Variants in STOML1 observed in about 807,000 individuals in gnomAD.
STOML1 encodes the protein stomatin like 1, also known as stomatin-like protein 1.
A neutral mutation model predicts 35.7 loss-of-function variants in STOML1; 27 were observed. The observed-to-expected ratio is 0.76, with a 90% confidence interval of 0.56 to 1.04. The LOEUF (loss-of-function observed/expected upper bound fraction) is 1.04, where lower values mean the gene tolerates loss of function less well. Among genes scored for constraint, STOML1 ranks in the 50% least tolerant of loss-of-function variants. The pLI, the probability that STOML1 is intolerant of heterozygous loss-of-function variation, is 0.00. For synonymous variants in STOML1, 219 were observed against 227.9 expected, an observed-to-expected ratio of 0.96 and a Z score of 0.35; for missense variants, 451 against 527.1, an observed-to-expected ratio of 0.86 and a Z score of 1.41.
intron 1 of STOML1, 160 bp downstream of exon 1, chr15:73,991,931 G>A (rs1231148051): frequency 8.5e-7 from 1 of 1,171,384 alleles, no homozygotes; most frequent in Non-Finnish European, 1.2e-6. Context: ...GCTAGCACCA[G>A]GCGCCGGGTC....
At position 73,992,188 on chromosome 15, in the gene STOML1, C is replaced by A; in HGVS notation, c.36G>T (p.Leu12=). The stretch of plus-strand genomic sequence containing the variant: ...ACTGCTGGAAGCGGTCAAAATCACC[C>A]AGGGGCAGCGCCCGGTACCCAGACC... ...LGRSGYRALP[L]GDFDRFQQSS... is the part of the protein sequence containing the mutation. The change falls in exon 1 of 7, where the codon CTG becomes CTT. Residue 12 remains leucine, a synonymous_variant. Coordinates refer to ENST00000541638, the MANE Select transcript of STOML1 (RefSeq NM_004809.5). 6.2e-7 allele frequency: 1 copy of A among 1,607,618 alleles called. No individual in the cohort carries two copies. Among genetic ancestry groups the A allele is most frequent in the Non-Finnish European group, 8.5e-7 (1 of 1,177,794 alleles).
upstream of STOML1, chr15:73,994,595 C>A: frequency 1.6e-6 from 1 of 611,312 alleles, no homozygotes; most frequent in Non-Finnish European, 3.0e-6. Context: ...CTACCTCCTC[C>A]CCGCTCTGGG....
At chr15:73,990,869 G>C (rs1054853649) in intron 1 of STOML1, 1 of 1,535,542 alleles carries the variant, frequency 6.5e-7, no homozygotes. Context: ...GAATACTGCT[G>C]GCAAAACACA....
Position 73,984,964 on chromosome 15 carries a change from T to C in STOML1, c.791-93A>G, listed in dbSNP as rs201520886. The C allele has an allele frequency of 3.9e-4, 563 of 1,437,944 alleles. 6 individuals carry two copies. In the East Asian group the frequency reaches 0.012, roughly 30 times the overall value. 89.1% of individuals were successfully genotyped at this position (1,437,944 alleles called of 1,614,324 possible). A position where few individuals can be genotyped will look rare whatever the true frequency, so the allele number is the denominator to read the frequency against. ...CACTCACTGTGGCCTCTGCACCTTTTGTGGCAGTTTCCTCTTAGATCCCCT... is the reference window on the plus strand; with the variant it reads ...CACTCACTGTGGCCTCTGCACCTTTCGTGGCAGTTTCCTCTTAGATCCCCT... On this transcript the variant is annotated intron_variant, in intron 5 of 6. Coordinates refer to ENST00000541638, the MANE Select transcript of STOML1 (RefSeq NM_004809.5).
chr15:73,991,608 C>G (rs1383361608), intron 1 of STOML1: 2 of 457,814 alleles, frequency 4.4e-6, no homozygotes, highest in Non-Finnish European at 4.4e-6. Flanking sequence ...CAGGGCAGAT[C>G]CAACAGGCAG....
Position 73,990,384 on chromosome 15 carries a change from G to T in STOML1, c.207C>A (p.Val69=). The part of the protein sequence containing the change: ...ISFLGFLLLL[V]TFPISGWFAL... ...CAAACCAGCCAGAAATGGGGAAGGTGACCAACAGCAGCAAGAACCCCAGGA... is the reference window on the plus strand; with the variant it reads ...CAAACCAGCCAGAAATGGGGAAGGTTACCAACAGCAGCAAGAACCCCAGGA... Residue 69 remains valine (V), a synonymous_variant, in exon 2 of 7, where the codon GTC becomes GTA. Transcript: ENST00000541638. The T allele has an allele frequency of 6.2e-7, 1 of 1,614,068 alleles. No homozygotes were observed. The highest frequency in any genetic ancestry group is 1.1e-5 in the South Asian group (1 of 91,038).
rs1401578304 is a variant in STOML1, at chr15:73,983,022, CAG to C, written c.*913_*914del. The C allele has an allele frequency of 6.6e-6, 1 of 152,202 alleles. No homozygotes were observed. Among genetic ancestry groups the C allele is most frequent in the Non-Finnish European group, 1.5e-5 (1 of 68,072 alleles). The allele number at this position is 152,202 out of a possible 1,614,324, so 9.4% of individuals were successfully genotyped here. On this transcript the variant is annotated 3_prime_UTR_variant, in exon 7 of 7. Coordinates refer to ENST00000541638, the MANE Select transcript of STOML1 (RefSeq NM_004809.5). The stretch of plus-strand genomic sequence containing the variant: ...ACCTGTATCCCACTACAAAGAGGAA[CAG>C]AACTCCCCACCCAGCCCCACCCTTG...
At chr15:73,990,770 A>C in intron 1 of STOML1, 1 of 1,519,654 alleles carries the variant, frequency 6.6e-7, no homozygotes. Context: ...CACTGGACTG[A>C]GTAGGGGTCA....
intron 1 of STOML1, 28 bp from the exon 2 acceptor site, chr15:73,990,485 T>C: frequency 4.5e-6 from 7 of 1,560,750 alleles, no homozygotes; most frequent in Non-Finnish European, 6.1e-6. Flanking sequence ...GGTGGTCAAC[T>C]GGACCTGCAC....
chr15:73,991,473 G>A (rs2069273124), intron 1 of STOML1, among the ~76,000 whole-genome samples: 1 of 152,278 alleles, frequency 6.6e-6, no homozygotes, highest in South Asian at 2.1e-4. Flanking sequence ...TCTGGATAGG[G>A]AGAGCTTTCA....
intron 4 of STOML1, 124 bp from the exon 5 acceptor site, chr15:73,985,637 G>T: frequency 8.5e-7 from 1 of 1,173,448 alleles, no homozygotes; most frequent in Non-Finnish European, 1.2e-6. Context: ...GACACTCCTA[G>T]CCTGGGAACA....
chr15:73,985,189 G>C (rs1003087877), intron 5 of STOML1, 129 bp downstream of exon 5: 29 of 1,173,934 alleles, frequency 2.5e-5, no homozygotes, highest in Non-Finnish European at 3.0e-5. Context: ...TCACTGCCTT[G>C]GCTGTGGTCA....
chr15:73,983,767 T>C lies in STOML1; in HGVS notation c.*170A>G, dbSNP rs1287065903. The C allele has an allele frequency of 4.3e-6, 3 of 699,304 alleles. No homozygotes were observed. The highest frequency in any genetic ancestry group is 1.8e-5 in the African/African-American group (1 of 55,580). 43.3% of individuals were successfully genotyped at this position (699,304 alleles called of 1,614,324 possible). A position where few individuals can be genotyped will look rare whatever the true frequency, so the allele number is the denominator to read the frequency against. On this transcript the variant is annotated 3_prime_UTR_variant, in exon 7 of 7. Transcript: ENST00000541638. Reference sequence around the variant, plus strand: ...AGAACCACTGTAGGGGAGACGTGCATGGCAGCCGGACTCAGCCTCCTGCAG... The same window carrying C: ...AGAACCACTGTAGGGGAGACGTGCACGGCAGCCGGACTCAGCCTCCTGCAG...
rs202210852 is a variant in STOML1 at position 73,990,345 on chromosome 15, C to A, written c.240+6G>T. On this transcript the variant is annotated splice_donor_region_variant and intron_variant, in intron 2 of 6. Transcript: ENST00000541638. Reference sequence around the variant, plus strand: ...CCACCCTGGGGGCTGACCCAGCCAGCCTTACCTTCAGGGCAAACCAGCCAG... The same window carrying A: ...CCACCCTGGGGGCTGACCCAGCCAGACTTACCTTCAGGGCAAACCAGCCAG... The A allele has an allele frequency of 6.2e-7, 1 of 1,613,862 alleles. No individual in the cohort carries two copies. The highest frequency in any genetic ancestry group is 8.5e-7 in the Non-Finnish European group (1 of 1,179,864).
Position 73,983,734 on chromosome 15 carries a change from T to G in STOML1, c.*203A>C. On this transcript the variant is annotated 3_prime_UTR_variant, in exon 7 of 7. Coordinates refer to ENST00000541638, the MANE Select transcript of STOML1 (RefSeq NM_004809.5). ...GCTGGGGACCGGGATGGACAAAGCCTTGTCCAGAGAACCACTGTAGGGGAG... is the reference window on the plus strand; with the variant it reads ...GCTGGGGACCGGGATGGACAAAGCCGTGTCCAGAGAACCACTGTAGGGGAG... 1.8e-6 allele frequency: 1 copy of G among 560,506 alleles called. No homozygotes were observed. The allele number at this position is 560,506 out of a possible 1,614,324, so 34.7% of individuals were successfully genotyped here.
At position 73,989,998 on chromosome 15, in the gene STOML1, T is replaced by G. The variant is rs760925338; in HGVS notation, c.240+353A>C. The G allele has an allele frequency of 1.0e-4, 23 of 227,116 alleles. 1 individual carries two copies. In the South Asian group the frequency reaches 1.4e-3, roughly 14 times the overall value. 14.1% of individuals were successfully genotyped at this position (227,116 alleles called of 1,614,324 possible). Reference sequence around the variant, plus strand: ...GAAAATGAGGCCTGAATTCCTATTATGCACTACCAGCTGGGCTAAGTTGGG... The same window carrying G: ...GAAAATGAGGCCTGAATTCCTATTAGGCACTACCAGCTGGGCTAAGTTGGG... On this transcript the variant is annotated intron_variant, in intron 2 of 6. Coordinates refer to ENST00000541638, the MANE Select transcript of STOML1 (RefSeq NM_004809.5).
chr15:73,984,104 G>A lies in STOML1; in HGVS notation c.1030C>T (p.Pro344Ser). 1 of 1,613,588 alleles carries A rather than the reference G, an allele frequency of 6.2e-7. No individual in the cohort carries two copies. The highest frequency in any genetic ancestry group is 8.5e-7 in the Non-Finnish European group (1 of 1,179,648). Reference sequence around the variant, plus strand: ...ACCACCACATCAGGGATGCCATCAGGCACCCCGTGTCCCACTCTTCCTCGT... The same window carrying A: ...ACCACCACATCAGGGATGCCATCAGACACCCCGTGTCCCACTCTTCCTCGT... ...TGRGRVGHGV[P>S]DGIPDVVVEM... Residue 344 changes from proline to serine, a missense_variant, in exon 7 of 7, where the codon CCT becomes TCT. By Grantham distance (74) the Pro-to-Ser change is moderately conservative. Transcript: ENST00000541638.
At position 73,981,640 on chromosome 15, in the gene STOML1, TCTC is replaced by T. The variant is rs1374616117; in HGVS notation, c.*2294_*2296del. The T allele has an allele frequency of 6.6e-6, 1 of 152,228 alleles. No homozygotes were observed. The highest frequency in any genetic ancestry group is 1.5e-5 in the Non-Finnish European group (1 of 68,052). The allele number at this position is 152,228 out of a possible 1,614,324, so 9.4% of individuals were successfully genotyped here. ...TTCCAGCTGTGCCCTTGCAGGGACT[TCTC>T]CTCTGCTGAATGATTTTCCCCATCT... On this transcript the variant is annotated 3_prime_UTR_variant, in exon 7 of 7. Coordinates refer to ENST00000541638, the MANE Select transcript of STOML1 (RefSeq NM_004809.5).
chr15:73,983,806 G>C lies in STOML1; in HGVS notation c.*131C>G, dbSNP rs1027050527. ...AGCCTCCTGCAGCCTCCATTCATGG[G>C]CTCTTGGCTGGGCCTGAAATTTGTT... On this transcript the variant is annotated 3_prime_UTR_variant, in exon 7 of 7. Transcript: ENST00000541638. The C allele has an allele frequency of 8.3e-5, 88 of 1,061,284 alleles. 1 individual carries two copies. The South Asian group carries it at 1.1e-3, about 13-fold the overall frequency. The allele number at this position is 1,061,284 out of a possible 1,614,324, so 65.7% of individuals were successfully genotyped here.
Sources: gnomAD v4.1 joint callset for allele counts (sites outside exome capture counted in the v4.1 genomes callset) on GRCh38, gnomAD v4.1.1 for gene constraint, MANE v1.5 for transcripts, NCBI Gene and HGNC (gene_info 2026-07-23, HGNC 2026-07-21) for gene names.